The following BACH2 variants were observed in gnomAD, a reference collection of about 807,000 sequenced individuals.
BACH2 encodes the protein BACH transcriptional regulator 2, also known as transcription regulator protein BACH2.
Under a neutral mutation model 61.8 loss-of-function variants are expected in BACH2, and 5 were observed. That is an observed-to-expected ratio of 0.08 (90% confidence interval 0.04 to 0.17). BACH2 has a LOEUF of 0.17. BACH2 is among the 10% of genes least tolerant of loss of function. The pLI is 1.00. For synonymous variants in BACH2, 446 were observed against 440.1 expected (o/e 1.01, Z -0.17); for missense variants, 824 against 1,091.1 (o/e 0.76, Z 3.45).
intron 6 of BACH2, among the ~76,000 whole-genome samples, chr6:89,990,787 T>C (rs1352921033): frequency 1.3e-5 from 2 of 152,234 alleles, no homozygotes; most frequent in Non-Finnish European, 2.9e-5. Context: ...ATCACTAACT[T>C]AGGTATTCCT....
intron 4 of BACH2, among the ~76,000 whole-genome samples, chr6:90,118,740 A>C (rs1783504378): frequency 6.6e-6 from 1 of 152,224 alleles, no homozygotes; most frequent in Admixed American, 6.5e-5. Context: ...ATCTGATGTC[A>C]AAGTGGAATA....
intron 6 of BACH2, among the ~76,000 whole-genome samples, chr6:89,985,119 G>A (rs939078510): frequency 2.0e-5 from 3 of 152,172 alleles, no homozygotes; most frequent in African/African-American, 7.2e-5. Context: ...GTACTAACAG[G>A]TAGCAAAGTG....
intron 3 of BACH2, among the ~76,000 whole-genome samples, chr6:90,237,552 T>C (rs1205886244): frequency 6.6e-6 from 1 of 152,206 alleles, no homozygotes; most frequent in Non-Finnish European, 1.5e-5. Context: ...CACTAGAATA[T>C]CTGACCACAT....
chr6:90,008,637 T>C lies in BACH2; in HGVS notation c.208A>G (p.Thr70Ala), dbSNP rs1371210319. The C allele has an allele frequency of 1.2e-6, 2 of 1,614,210 alleles. No homozygotes were observed. Among genetic ancestry groups the C allele is most frequent in the Non-Finnish European group, 1.7e-6 (2 of 1,180,030 alleles). Residue 70 changes from threonine (T) to alanine (A), a missense_variant, in exon 6 of 9, where the codon ACA becomes GCA. This residue lies in a region of BACH2 where 66 missense variants were observed against 144.8 expected (regional missense o/e 0.46). Transcript: ENST00000257749. The surrounding 1 kb of genome is among the most constrained non-coding windows in gnomAD (Gnocchi z 4.1). ...EYFWQALVGQ[T>A]KNDLVVSLPE... ...AAGCTGACCACCAAATCATTTTTTG[T>C]CTGTCCAACCAGCGCCTGCCAAAAA...
intron 7 of BACH2, among the ~76,000 whole-genome samples, chr6:89,943,846 A>G (rs1438371234): frequency 6.6e-6 from 1 of 152,200 alleles, no homozygotes; most frequent in African/African-American, 2.4e-5. Flanking sequence ...CATTAGCATG[A>G]TACCCTGAGA....
At chr6:90,108,524 G>T (rs1216305008) in intron 4 of BACH2, among the ~76,000 whole-genome samples, 1 of 152,156 alleles carries the variant, frequency 6.6e-6, no homozygotes, top group Non-Finnish European at 1.5e-5. Flanking sequence ...AACTACCAAA[G>T]AAATCACAAA....
intron 3 of BACH2, among the ~76,000 whole-genome samples, chr6:90,219,835 G>T (rs1021643725): frequency 2.0e-5 from 3 of 151,810 alleles, no homozygotes; most frequent in Admixed American, 1.3e-4. Flanking sequence ...GTTTGCCTCT[G>T]CATTCAATCT....
At chr6:90,074,003 T>A (rs1005025128) in intron 5 of BACH2, among the ~76,000 whole-genome samples, 19 of 152,202 alleles carry the variant, frequency 1.2e-4, no homozygotes, top group Non-Finnish European at 2.4e-4. Flanking sequence ...GGTGCCGCAT[T>A]TCCTGATAGA....
At chr6:89,978,895 C>T (rs1775801109) in intron 6 of BACH2, among the ~76,000 whole-genome samples, 1 of 152,136 alleles carries the variant, frequency 6.6e-6, no homozygotes, top group African/African-American at 2.4e-5. Flanking sequence ...CAGGCAAGTC[C>T]TCATGAAAGC....
intron 4 of BACH2, among the ~76,000 whole-genome samples, chr6:90,162,858 T>C (rs1767448335): frequency 6.6e-6 from 1 of 152,168 alleles, no homozygotes; most frequent in African/African-American, 2.4e-5. Flanking sequence ...GAGGATTAAG[T>C]AATTACGCTA....
In BACH2 at chr6:90,195,433, C is replaced by T. The variant is rs1398903820; in HGVS notation, c.-162+11136G>A. ...TGATTACAGGGCAGTTTATAAATCACCTTGGATTTTTCTCATTTATCCTAT... is the reference window on the plus strand; with the variant it reads ...TGATTACAGGGCAGTTTATAAATCATCTTGGATTTTTCTCATTTATCCTAT... On this transcript the variant is annotated intron_variant, in intron 4 of 8. Coordinates refer to ENST00000257749, the MANE Select transcript of BACH2 (RefSeq NM_021813.4). Among the ~76,000 whole-genome samples, 3 of 152,170 alleles carry T rather than the reference C, an allele frequency of 2.0e-5. No homozygotes were observed. The South Asian group carries it at 6.2e-4, about 32-fold the overall frequency.
chr6:90,092,291 A>AAAAAAAAAAAAAAATATATATATAT, intron 4 of BACH2, among the ~76,000 whole-genome samples: 2 of 113,840 alleles, frequency 1.8e-5, no homozygotes, highest in African/African-American at 3.6e-5. Context: ...AAAAAAAAAA[A>AAAAAAAAAAAAAAATATATATATAT]ATATATATAT....
At chr6:89,941,877 A>G (rs1439707894) in intron 7 of BACH2, among the ~76,000 whole-genome samples, 1 of 152,242 alleles carries the variant, frequency 6.6e-6, no homozygotes, top group Non-Finnish European at 1.5e-5. Flanking sequence ...TATTTAAATC[A>G]TCCAGACAGT....
chr6:90,140,944 T>C (rs1356410166), intron 4 of BACH2, among the ~76,000 whole-genome samples: 4 of 152,290 alleles, frequency 2.6e-5, no homozygotes, highest in East Asian at 3.9e-4. Context: ...CTTAGAGACT[T>C]ATCTATGCAG....
intron 4 of BACH2, among the ~76,000 whole-genome samples, chr6:90,157,281 C>T (rs1364662263): frequency 6.6e-6 from 1 of 152,196 alleles, no homozygotes; most frequent in Non-Finnish European, 1.5e-5. Context: ...AACATATTCA[C>T]TTGGTAGACC....
Position 89,932,121 on chromosome 6 carries a change from GT to G in BACH2, c.*286del, listed in dbSNP as rs1360613162. 6.5e-6 allele frequency: 2 copies of G among 306,448 alleles called. No homozygotes were observed. Among genetic ancestry groups the G allele is most frequent in the Admixed American group, 9.0e-5 (2 of 22,238 alleles). 19.0% of individuals were successfully genotyped at this position (306,448 alleles called of 1,614,324 possible). A position where few individuals can be genotyped will look rare whatever the true frequency, so the allele number is the denominator to read the frequency against. On this transcript the variant is annotated 3_prime_UTR_variant, in exon 9 of 9. Coordinates refer to ENST00000257749, the MANE Select transcript of BACH2 (RefSeq NM_021813.4). ...AAAAATCCGTGGTTGGGGCCTAGAGGTGTTGTAGTCTATCCCTGTGAAGACT... is the reference window on the plus strand; with the variant it reads ...AAAAATCCGTGGTTGGGGCCTAGAGGGTTGTAGTCTATCCCTGTGAAGACT...
At position 89,994,401 on chromosome 6, in the gene BACH2, C is replaced by T. The variant is rs79798858; in HGVS notation, c.243+14201G>A. On this transcript the variant is annotated intron_variant, in intron 6 of 8. Transcript: ENST00000257749. ...AAAGGCATCTGTAGGTTTCAATGGTCGGGGCAAATTTAAATATGGGAAAAG... is the reference window on the plus strand; with the variant it reads ...AAAGGCATCTGTAGGTTTCAATGGTTGGGGCAAATTTAAATATGGGAAAAG... Among the ~76,000 whole-genome samples the T allele has an allele frequency of 6.9e-3, 1,045 of 152,206 alleles. 24 individuals carry two copies. The East Asian group carries it at 0.08, about 12-fold the overall frequency.
rs2128357042 is a variant in BACH2 at position 89,951,547 on chromosome 6, G to C, written c.559C>G (p.Pro187Ala). The C allele has an allele frequency of 6.2e-7, 1 of 1,614,186 alleles. No homozygotes were observed. Among genetic ancestry groups the C allele is most frequent in the Non-Finnish European group, 8.5e-7 (1 of 1,180,034 alleles). ...KMACPRDQML[P>A]EPISFEAAAI... is the part of the protein sequence containing the mutation. The stretch of plus-strand genomic sequence containing the variant: ...GCGGCCTCAAAGCTGATGGGCTCTG[G>C]AAGCATCTGGTCCCTGGGGCAAGCC... The change falls in exon 7 of 9, where the codon CCA (proline) becomes GCA (alanine). Residue 187 changes from proline (P) to alanine (A), a missense_variant. Pro to Ala is a conservative substitution (Grantham distance 27). This residue lies in a region of BACH2 where 107 missense variants were observed against 121.7 expected (regional missense o/e 0.88). Transcript: ENST00000257749. This position sits in a 1 kb window ranked among gnomAD's most constrained non-coding sequence, Gnocchi z 6.4.
rs71027919 is a variant in BACH2 at position 90,011,932 on chromosome 6, ATGTGTGTGTG to A, written c.-12-3086_-12-3077del. 4.1e-3 allele frequency among the ~76,000 whole-genome samples: 474 copies of A among 114,288 alleles called. 18 individuals carry two copies. The East Asian group carries it at 0.092, about 22-fold the overall frequency. 75.0% of individuals were successfully genotyped at this position (114,288 alleles called of 152,430 possible). On this transcript the variant is annotated intron_variant, in intron 5 of 8. Coordinates refer to ENST00000257749, the MANE Select transcript of BACH2 (RefSeq NM_021813.4). ...AAGACTCTGTCTCAAAAAAAAAAAT[ATGTGTGTGTG>A]TGTGTGTGTGTGTGTGTGTGTGTGT...
Sources: gnomAD v4.1 joint callset for allele counts (sites outside exome capture counted in the v4.1 genomes callset) on GRCh38, gnomAD v4.1.1 for gene constraint, gnomAD v4.1.1 regional missense constraint, Gnocchi (gnomAD v3.1) non-coding constraint, MANE v1.5 for transcripts, NCBI Gene and HGNC (gene_info 2026-07-23, HGNC 2026-07-21) for gene names.